Variants in MYO1B observed in about 807,000 individuals in gnomAD.
The protein encoded by MYO1B is myosin IB.
MYO1B carries 72 observed loss-of-function variants against 159.7 expected under a neutral mutation model. That is an observed-to-expected ratio of 0.45 (90% CI 0.37 to 0.55). The LOEUF is 0.55. Ranked by LOEUF, MYO1B falls within the 20% of genes least tolerant of loss-of-function variation. MYO1B has a pLI of 0.00. For synonymous variants in MYO1B, 468 were observed against 473.8 expected, an observed-to-expected ratio of 0.99 and a Z score of 0.16; for missense variants, 1,062 against 1,364.8, an observed-to-expected ratio of 0.78 and a Z score of 3.50.
intron 3 of MYO1B, among the ~76,000 whole-genome samples, chr2:191,306,073 C>T (rs924554264): frequency 2.6e-5 from 4 of 151,940 alleles, no homozygotes; most frequent in Non-Finnish European, 5.9e-5. Flanking sequence ...ACACAAGAGA[C>T]GTTAATAAAA....
intron 3 of MYO1B, among the ~76,000 whole-genome samples, chr2:191,297,412 T>C (rs1689048561): frequency 6.6e-6 from 1 of 152,238 alleles, no homozygotes; most frequent in African/African-American, 2.4e-5. Flanking sequence ...TGTGAACTGC[T>C]GCTGAACGTG....
At chr2:191,383,547 C>CACACAT (rs1553559199) in intron 15 of MYO1B, among the ~76,000 whole-genome samples, 1 of 14,508 alleles carries the variant, frequency 6.9e-5, no homozygotes, top group Admixed American at 5.1e-4. Flanking sequence ...CACACACACA[C>CACACAT]ATATATATAT....
In MYO1B at chr2:191,348,612, C is replaced by T. The variant is rs551733792; in HGVS notation, c.499-1550C>T. Among the ~76,000 whole-genome samples, 557 of 152,170 alleles carry T rather than the reference C, an allele frequency of 3.7e-3. 1 individual carries two copies. The highest frequency in any genetic ancestry group is 0.013 in the African/African-American group (537 of 41,530). On this transcript the variant is annotated intron_variant, in intron 6 of 30. Transcript: ENST00000392318. ...ACTTTTTTTTTTCCTCTCTCATCTCCTGCATCCAACCTGGGCCTGTTCCTG... is the reference window on the plus strand; with the variant it reads ...ACTTTTTTTTTTCCTCTCTCATCTCTTGCATCCAACCTGGGCCTGTTCCTG...
intron 1 of MYO1B, chr2:191,263,741 C>T (rs1031020702): frequency 6.6e-6 from 1 of 152,054 alleles, no homozygotes; most frequent in Non-Finnish European, 1.5e-5. Context: ...TTAACATGTG[C>T]TGTATTCAAG....
chr2:191,299,442 T>C (rs10931494), intron 3 of MYO1B, among the ~76,000 whole-genome samples: 80,125 of 151,602 alleles, frequency 0.53, 21,875 homozygotes, highest in East Asian at 0.65. Context: ...ACATTCCCTC[T>C]CATGGGAGCA....
intron 3 of MYO1B, 29 bp from the exon 4 acceptor site, chr2:191,329,905 TA>T (rs746240194): frequency 5.0e-6 from 8 of 1,589,792 alleles, no homozygotes; most frequent in Admixed American, 1.7e-5. Context: ...ATCTGAAGTC[TA>T]AGGAATTTTT....
At chr2:191,332,715 G>T (rs1489853224) in intron 4 of MYO1B, among the ~76,000 whole-genome samples, 2 of 152,174 alleles carry the variant, frequency 1.3e-5, no homozygotes, top group Non-Finnish European at 2.9e-5. Context: ...TGAATAAGTG[G>T]CAGAGCTGGG....
In MYO1B at chr2:191,425,113, T is replaced by C. The variant is rs1698146221; in HGVS notation, c.*1153T>C. On this transcript the variant is annotated 3_prime_UTR_variant, in exon 31 of 31. Transcript: ENST00000392318. The stretch of plus-strand genomic sequence containing the variant: ...GTTTCTTATTTGGGAGGATAATGTA[T>C]ATACATTGGTATTATGTTAAATAAT... 1 of 152,018 alleles carries C rather than the reference T, an allele frequency of 6.6e-6. No homozygotes were observed. The highest frequency in any genetic ancestry group is 1.5e-5 in the Non-Finnish European group (1 of 67,932). 9.4% of individuals were successfully genotyped at this position (152,018 alleles called of 1,614,324 possible).
intron 3 of MYO1B, among the ~76,000 whole-genome samples, chr2:191,306,279 T>C (rs1025546268): frequency 6.6e-6 from 1 of 152,094 alleles, no homozygotes; most frequent in Admixed American, 6.5e-5. Context: ...AAGAATGTTC[T>C]AGGCAGAGGC....
chr2:191,336,647 C>T (rs2125935444), intron 4 of MYO1B, among the ~76,000 whole-genome samples: 1 of 152,262 alleles, frequency 6.6e-6, no homozygotes, highest in East Asian at 1.9e-4. Context: ...TTCACTGCTG[C>T]CTGTTAGATC....
chr2:191,409,516 A>G (rs1295643449), intron 26 of MYO1B, among the ~76,000 whole-genome samples: 1 of 152,216 alleles, frequency 6.6e-6, no homozygotes. Context: ...GGACAGAGAA[A>G]TCATAAAATT....
In MYO1B at chr2:191,383,470, A is replaced by G. The variant is rs1333815812; in HGVS notation, c.1353+128A>G. Reference sequence around the variant, plus strand: ...TTTTTATATATATATATATATATATATATACACACACACATATATATGTGT... The same window carrying G: ...TTTTTATATATATATATATATATATGTATACACACACACATATATATGTGT... On this transcript the variant is annotated intron_variant, in intron 15 of 30. Transcript: ENST00000392318. 1.1e-3 allele frequency: 22 copies of G among 19,718 alleles called. 1 individual carries two copies. The Admixed American group carries it at 0.019, about 17-fold the overall frequency. The allele number at this position is 19,718 out of a possible 1,614,324, so 1.2% of individuals were successfully genotyped here. A position where few individuals can be genotyped will look rare whatever the true frequency, so the allele number is the denominator to read the frequency against.
At chr2:191,364,407 G>A (rs1693866097) in intron 11 of MYO1B, 131 bp downstream of exon 11, 1 of 692,194 alleles carries the variant, frequency 1.4e-6, no homozygotes, top group African/African-American at 1.8e-5. Flanking sequence ...TGGGAACAGA[G>A]CAGTAAACTA....
At chr2:191,342,845 TCAAA>T (rs1265464175) in intron 5 of MYO1B, among the ~76,000 whole-genome samples, 2 of 151,688 alleles carry the variant, frequency 1.3e-5, no homozygotes, top group South Asian at 2.1e-4. Context: ...AGACTCTGTC[TCAAA>T]CAAACAAAGA....
chr2:191,319,504 T>C (rs1690563700), intron 3 of MYO1B, among the ~76,000 whole-genome samples: 1 of 152,214 alleles, frequency 6.6e-6, no homozygotes, highest in Non-Finnish European at 1.5e-5. Context: ...TAAGTCATGA[T>C]GGAACTTACT....
intron 3 of MYO1B, among the ~76,000 whole-genome samples, chr2:191,323,459 A>G (rs976053571): frequency 2.0e-5 from 3 of 152,168 alleles, no homozygotes; most frequent in Non-Finnish European, 4.4e-5. Flanking sequence ...ACCATTTTAT[A>G]TACACATAAC....
intron 3 of MYO1B, among the ~76,000 whole-genome samples, chr2:191,311,991 T>C (rs549059382): frequency 2.0e-3 from 306 of 152,368 alleles, no homozygotes; most frequent in African/African-American, 7.3e-3. Flanking sequence ...ATATTATATC[T>C]ATGATTGATT....
chr2:191,298,259 A>G (rs992354686), intron 3 of MYO1B, among the ~76,000 whole-genome samples: 2 of 152,200 alleles, frequency 1.3e-5, no homozygotes, highest in African/African-American at 4.8e-5. Context: ...AATTCTGATC[A>G]TTTTGTTTTC....
intron 1 of MYO1B, among the ~76,000 whole-genome samples, chr2:191,257,159 C>G (rs1686502294): frequency 6.6e-6 from 1 of 152,022 alleles, no homozygotes; most frequent in Non-Finnish European, 1.5e-5. Context: ...TTTTTATTGT[C>G]AAAATAAGTA....
Sources: gnomAD v4.1 joint callset for allele counts (sites outside exome capture counted in the v4.1 genomes callset) on GRCh38, gnomAD v4.1.1 for gene constraint, MANE v1.5 for transcripts, NCBI Gene and HGNC (gene_info 2026-07-23, HGNC 2026-07-21) for gene names.